The following RALA variants were observed in gnomAD, a reference collection of about 807,000 sequenced individuals.
RALA encodes RAS like proto-oncogene A.
Under a neutral mutation model 24.0 loss-of-function variants are expected in RALA, and 5 were observed. The ratio of observed to expected loss-of-function variants is 0.21; its 90% CI spans 0.11 to 0.44. RALA has a LOEUF of 0.44. Ranked by LOEUF, RALA falls within the 20% of genes least tolerant of loss-of-function variation. RALA has a pLI of 0.99. For synonymous variants in RALA, 77 were observed against 83.8 expected (o/e 0.92, Z 0.44); for missense variants, 95 against 241.2 (o/e 0.39, Z 4.01).
At chr7:39,634,528 T>A (rs1417905079) in intron 1 of RALA, among the ~76,000 whole-genome samples, 1 of 152,340 alleles carries the variant, frequency 6.6e-6, no homozygotes, top group East Asian at 1.9e-4. Context: ...TCTTCCATCA[T>A]CTTTCTGCCT....
At chr7:39,679,673 C>T (rs1291740290) in intron 1 of RALA, among the ~76,000 whole-genome samples, 3 of 151,870 alleles carry the variant, frequency 2.0e-5, no homozygotes, top group Non-Finnish European at 2.9e-5. Flanking sequence ...AAATGTTTTC[C>T]ACAGTTTTAT....
chr7:39,659,705 C>A (rs1583723918), intron 1 of RALA, among the ~76,000 whole-genome samples: 2 of 152,126 alleles, frequency 1.3e-5, no homozygotes, highest in South Asian at 2.1e-4. Flanking sequence ...TAAATAAGCC[C>A]AAAAATATGA....
chr7:39,636,784 C>T (rs538569282), intron 1 of RALA, among the ~76,000 whole-genome samples: 180 of 152,280 alleles, frequency 1.2e-3, no homozygotes, highest in Admixed American at 2.4e-3. Flanking sequence ...AGGAGACTTA[C>T]AATCATGGCG....
chr7:39,653,361 C>T (rs1483049750), intron 1 of RALA, among the ~76,000 whole-genome samples: 1 of 152,106 alleles, frequency 6.6e-6, no homozygotes, highest in Non-Finnish European at 1.5e-5. Flanking sequence ...GGGTCTTGCT[C>T]TGTCACCCAG....
chr7:39,682,305 T>TTGCTGCTGC (rs143125070), intron 1 of RALA, among the ~76,000 whole-genome samples: 10 of 151,432 alleles, frequency 6.6e-5, no homozygotes, highest in Non-Finnish European at 1.3e-4. Context: ...GGTAATACCA[T>TTGCTGCTGC]TGCTGCTGCT....
chr7:39,697,547 T>C, intron 4 of RALA: 1 of 434,778 alleles, frequency 2.3e-6, no homozygotes, highest in Non-Finnish European at 4.6e-6. Context: ...AGTGGGGTCT[T>C]TCTTCAGCCT....
At chr7:39,688,574 G>A (rs1792752141) in intron 2 of RALA, among the ~76,000 whole-genome samples, 2 of 125,526 alleles carry the variant, frequency 1.6e-5, no homozygotes, top group African/African-American at 6.4e-5. Flanking sequence ...ATATTCACAT[G>A]CCTAATTTTT....
At chr7:39,652,552 C>T (rs1382173784) in intron 1 of RALA, among the ~76,000 whole-genome samples, 2 of 152,078 alleles carry the variant, frequency 1.3e-5, no homozygotes, top group Non-Finnish European at 2.9e-5. Context: ...TGTTCAGTTG[C>T]TGTAATCATA....
rs1294589627 is a variant in RALA at position 39,707,532 on chromosome 7, G to A, written c.*1287G>A. Reference sequence around the variant, plus strand: ...TTAGGCTGTGTCACCATTGTGTGGTGTACCTGCTGGAAGAATTCTAGCATG... The same window carrying A: ...TTAGGCTGTGTCACCATTGTGTGGTATACCTGCTGGAAGAATTCTAGCATG... On this transcript the variant is annotated 3_prime_UTR_variant, in exon 5 of 5. Coordinates refer to ENST00000005257, the MANE Select transcript of RALA (RefSeq NM_005402.4). 1 of 152,126 alleles carries A rather than the reference G, an allele frequency of 6.6e-6. No homozygotes were observed. Among genetic ancestry groups the A allele is most frequent in the Admixed American group, 6.5e-5 (1 of 15,290 alleles). The allele number at this position is 152,126 out of a possible 1,614,324, so 9.4% of individuals were successfully genotyped here.
intron 1 of RALA, among the ~76,000 whole-genome samples, chr7:39,667,400 G>A (rs1792303516): frequency 6.6e-6 from 1 of 152,210 alleles, no homozygotes; most frequent in Admixed American, 6.5e-5. Flanking sequence ...TAATAGCACT[G>A]AGAATGAGAA....
At chr7:39,669,218 T>C (rs768278040) in intron 1 of RALA, among the ~76,000 whole-genome samples, 1 of 152,192 alleles carries the variant, frequency 6.6e-6, no homozygotes, top group Non-Finnish European at 1.5e-5. Flanking sequence ...CCTCCCCCTC[T>C]TGCTCCATCT....
chr7:39,675,611 A>AG, intron 1 of RALA, among the ~76,000 whole-genome samples: 1 of 152,012 alleles, frequency 6.6e-6, no homozygotes, highest in Non-Finnish European at 1.5e-5. Context: ...CTGTAGTCCT[A>AG]GTTACTCAGG....
At chr7:39,697,324 C>T in intron 4 of RALA, 2 of 456,340 alleles carry the variant, frequency 4.4e-6, no homozygotes, top group Non-Finnish European at 8.8e-6. Flanking sequence ...CCACTCCCCA[C>T]CCTCAACCTT....
chr7:39,668,438 T>C (rs1332511403), intron 1 of RALA, among the ~76,000 whole-genome samples: 2 of 152,238 alleles, frequency 1.3e-5, no homozygotes, highest in East Asian at 3.8e-4. Flanking sequence ...TTATGGTAAG[T>C]TAATTGCTTT....
At chr7:39,658,243 A>C (rs377138018) in intron 1 of RALA, among the ~76,000 whole-genome samples, 2 of 152,182 alleles carry the variant, frequency 1.3e-5, no homozygotes, top group South Asian at 4.2e-4. Flanking sequence ...GGCATCCATG[A>C]CTTTGCTCCT....
intron 1 of RALA, among the ~76,000 whole-genome samples, chr7:39,645,740 C>T: frequency 6.6e-6 from 1 of 152,138 alleles, no homozygotes; most frequent in South Asian, 2.1e-4. Flanking sequence ...GGAAAGCTTT[C>T]CATAAGTGAC....
chr7:39,682,053 C>G (rs756282153), intron 1 of RALA, among the ~76,000 whole-genome samples: 4 of 152,232 alleles, frequency 2.6e-5, no homozygotes, highest in African/African-American at 4.8e-5. Flanking sequence ...GTTAGGAGAG[C>G]AGGCTCCCTC....
intron 1 of RALA, among the ~76,000 whole-genome samples, chr7:39,658,898 C>T (rs1317203799): frequency 6.6e-6 from 1 of 151,618 alleles, no homozygotes; most frequent in Non-Finnish European, 1.5e-5. Flanking sequence ...AGACTGCATA[C>T]AGATGCATAT....
intron 1 of RALA, among the ~76,000 whole-genome samples, chr7:39,684,169 G>A (rs10486802): frequency 0.42 from 63,996 of 151,914 alleles, 14,159 homozygotes; most frequent in Non-Finnish European, 0.48. Flanking sequence ...TCAATACCCA[G>A]GTAAAAGAGT....
Sources: gnomAD v4.1 joint callset for allele counts (sites outside exome capture counted in the v4.1 genomes callset) on GRCh38, gnomAD v4.1.1 for gene constraint, MANE v1.5 for transcripts, NCBI Gene and HGNC (gene_info 2026-07-23, HGNC 2026-07-21) for gene names.